The following GALNT10 variants were observed in gnomAD, a reference collection of about 807,000 sequenced individuals.
GALNT10 encodes polypeptide N-acetylgalactosaminyltransferase 10, also known as GalNAc transferase 10.
In GALNT10, 41 loss-of-function variants were observed where a neutral mutation model predicts 75.0. That is an observed-to-expected ratio of 0.55 (90% CI 0.43 to 0.71). The LOEUF (loss-of-function observed/expected upper bound fraction) is 0.71. Ranked by LOEUF, GALNT10 falls within the 30% of genes least tolerant of loss-of-function variation. The probability of loss-of-function intolerance (pLI) is 0.00; values close to 1 mark genes in which losing one functional copy is unlikely to be tolerated. For missense variants in GALNT10, 727 were observed against 818.5 expected (o/e 0.89, Z 1.36); for synonymous variants, 302 against 313.0 (o/e 0.96, Z 0.37).
intron 3 of GALNT10, among the ~76,000 whole-genome samples, chr5:154,329,156 C>A (rs888857408): frequency 6.6e-6 from 1 of 152,118 alleles, no homozygotes; most frequent in African/African-American, 2.4e-5. Flanking sequence ...AATATTAGAA[C>A]ATAAGATTTT....
chr5:154,282,945 G>C (rs1386016545), intron 1 of GALNT10, among the ~76,000 whole-genome samples: 1 of 152,184 alleles, frequency 6.6e-6, no homozygotes, highest in Admixed American at 6.5e-5. Flanking sequence ...AAGGAGCAGT[G>C]AGGATGCTGT....
chr5:154,210,343 T>C (rs1017283652), intron 1 of GALNT10, among the ~76,000 whole-genome samples: 11 of 151,846 alleles, frequency 7.2e-5, no homozygotes, highest in Non-Finnish European at 1.3e-4. Flanking sequence ...CACAAGTGCA[T>C]GCACACAGGC....
At chr5:154,243,243 A>C (rs1425157589) in intron 1 of GALNT10, among the ~76,000 whole-genome samples, 1 of 152,216 alleles carries the variant, frequency 6.6e-6, no homozygotes, top group Non-Finnish European at 1.5e-5. Flanking sequence ...GTATCACTGT[A>C]TCCTCCCTCG....
intron 1 of GALNT10, among the ~76,000 whole-genome samples, chr5:154,244,011 G>C (rs1399637950): frequency 6.6e-6 from 1 of 152,220 alleles, no homozygotes; most frequent in Admixed American, 6.5e-5. Flanking sequence ...GCTTGCCCTG[G>C]TCACTCAGTG....
chr5:154,333,022 T>G (rs566580195), intron 4 of GALNT10, among the ~76,000 whole-genome samples: 1 of 152,164 alleles, frequency 6.6e-6, no homozygotes, highest in African/African-American at 2.4e-5. Context: ...TTGTGCCTGC[T>G]CCTCAGAGCA....
At chr5:154,229,666 C>G (rs1753117657) in intron 1 of GALNT10, among the ~76,000 whole-genome samples, 1 of 152,000 alleles carries the variant, frequency 6.6e-6, no homozygotes, top group African/African-American at 2.4e-5. Context: ...CCAGGAGGCG[C>G]ACCTTGCGGT....
intron 3 of GALNT10, among the ~76,000 whole-genome samples, chr5:154,299,097 A>G (rs1056559388): frequency 5.9e-5 from 9 of 152,228 alleles, no homozygotes; most frequent in Non-Finnish European, 1.0e-4. Flanking sequence ...AAAAGCTAAC[A>G]TTTATTAGTT....
intron 4 of GALNT10, chr5:154,356,357 G>C (rs886834714): frequency 2.7e-6 from 1 of 372,804 alleles, no homozygotes; most frequent in Admixed American, 3.3e-5. Context: ...AGTGAAGCAG[G>C]GTACTGTGAG....
chr5:154,272,900 G>A (rs1294458021), intron 1 of GALNT10, among the ~76,000 whole-genome samples: 3 of 151,116 alleles, frequency 2.0e-5, no homozygotes, highest in African/African-American at 7.3e-5. Flanking sequence ...GAGTGCAGGG[G>A]CCAGATCATA....
In GALNT10 at chr5:154,418,240, C is replaced by T. The variant is rs1456063252; in HGVS notation, c.*1268C>T. ...GCAGAGGCTGTGGTACAACATGGTC[C>T]TTGGTGAAGACCTGCACCCCTGGAA... On this transcript the variant is annotated 3_prime_UTR_variant, in exon 12 of 12. Transcript: ENST00000297107. The T allele has an allele frequency of 2.6e-5, 4 of 152,170 alleles. No homozygotes were observed. Among genetic ancestry groups the T allele is most frequent in the Non-Finnish European group, 5.9e-5 (4 of 68,034 alleles). The allele number at this position is 152,170 out of a possible 1,614,324, so 9.4% of individuals were successfully genotyped here.
chr5:154,287,978 A>G (rs1385283963), intron 1 of GALNT10, among the ~76,000 whole-genome samples: 3 of 129,200 alleles, frequency 2.3e-5, no homozygotes, highest in South Asian at 2.5e-4. Flanking sequence ...GAGAGAGAGA[A>G]GTTTATTAAT....
intron 1 of GALNT10, among the ~76,000 whole-genome samples, chr5:154,195,323 A>ATG (rs1404014242): frequency 1.3e-5 from 2 of 152,172 alleles, no homozygotes; most frequent in Non-Finnish European, 2.9e-5. Context: ...CATCCCATAT[A>ATG]TGTGTCAGAA....
chr5:154,380,724 C>T (rs1318571504), intron 6 of GALNT10, 93 bp downstream of exon 6: 1 of 825,462 alleles, frequency 1.2e-6, no homozygotes, highest in Admixed American at 2.6e-5. Context: ...CCTTAAAAGC[C>T]CAATGCAGAG....
chr5:154,417,038 G>C lies in GALNT10; in HGVS notation c.*66G>C, dbSNP rs1582023798. ...TCACTGCAGACTTCCTCTTTCAAGGGAGGCAGGGCCCCTGTGGGCACTAGG... is the reference window on the plus strand; with the variant it reads ...TCACTGCAGACTTCCTCTTTCAAGGCAGGCAGGGCCCCTGTGGGCACTAGG... On this transcript the variant is annotated 3_prime_UTR_variant, in exon 12 of 12. Coordinates refer to ENST00000297107, the MANE Select transcript of GALNT10 (RefSeq NM_198321.4). The C allele has an allele frequency of 6.8e-7, 1 of 1,467,042 alleles. No homozygotes were observed. Among genetic ancestry groups the C allele is most frequent in the Non-Finnish European group, 9.5e-7 (1 of 1,053,494 alleles). The allele number at this position is 1,467,042 out of a possible 1,614,324, so 90.9% of individuals were successfully genotyped here. A position where few individuals can be genotyped will look rare whatever the true frequency, so the allele number is the denominator to read the frequency against.
chr5:154,285,533 C>T (rs1293640433), intron 1 of GALNT10, among the ~76,000 whole-genome samples: 1 of 152,124 alleles, frequency 6.6e-6, no homozygotes, highest in African/African-American at 2.4e-5. Context: ...AACTTCTCAC[C>T]TGACTGTCCA....
At chr5:154,342,988 C>T (rs1030469533) in intron 4 of GALNT10, among the ~76,000 whole-genome samples, 1 of 152,122 alleles carries the variant, frequency 6.6e-6, no homozygotes, top group East Asian at 1.9e-4. Context: ...TCAGTTGCCA[C>T]GTGTGTTTTA....
rs369187846 is a variant in GALNT10 at position 154,233,620 on chromosome 5, C to T, written c.159+42595C>T. On this transcript the variant is annotated intron_variant, in intron 1 of 11. Transcript: ENST00000297107. ...GGATGAGATTCTTCAGAGCACCCCC[C>T]ACCAGCCGCCCACCATGGTCTCTGT... Among the ~76,000 whole-genome samples the T allele has an allele frequency of 2.0e-5, 3 of 152,288 alleles. 1 individual carries two copies. The highest frequency in any genetic ancestry group is 7.2e-5 in the African/African-American group (3 of 41,542).
Position 154,380,459 on chromosome 5 carries a change from C to G in GALNT10, c.766C>G (p.Arg256Gly). ...CTTGGCTTCTTCAGACCGCATTGCT[C>G]GGAACCGCAAGACCATTGTGTGCCC... ...WLPPLLDRIA[R>G]NRKTIVCPMI... The change falls in exon 6 of 12, where the codon CGG (arginine) becomes GGG (glycine). Residue 256 changes from arginine to glycine, a missense_variant. Transcript: ENST00000297107. The G allele has an allele frequency of 6.2e-7, 1 of 1,613,520 alleles. No homozygotes were observed. Among genetic ancestry groups the G allele is most frequent in the Non-Finnish European group, 8.5e-7 (1 of 1,179,594 alleles).
At chr5:154,254,674 C>T (rs147492341) in intron 1 of GALNT10, among the ~76,000 whole-genome samples, 223 of 152,176 alleles carry the variant, frequency 1.5e-3, no homozygotes, top group African/African-American at 5.3e-3. Context: ...TAATTCTGAT[C>T]AATTGATAAT....
Sources: allele counts gnomAD v4.1 joint callset (sites outside exome capture counted in the v4.1 genomes callset), GRCh38; gene constraint gnomAD v4.1.1; transcripts MANE v1.5; gene names NCBI Gene and HGNC (gene_info 2026-07-23, HGNC 2026-07-21).